WWOX: variants seen among roughly 807,000 people sequenced by gnomAD.
The protein encoded by WWOX is WW domain-containing oxidoreductase.
In WWOX, 69 loss-of-function variants were observed where a neutral mutation model predicts 46.2. The ratio of observed to expected loss-of-function variants is 1.49; its 90% CI spans 1.23 to 1.82. The LOEUF is 1.82. WWOX is among the 40% of genes most tolerant of loss of function. The pLI, the probability that WWOX is intolerant of heterozygous loss-of-function variation, is 0.00. For synonymous variants in WWOX, 359 were observed against 202.6 expected (o/e 1.77, Z -6.56); for missense variants, 919 against 542.6 (o/e 1.69, Z -6.89).
At chr16:78,631,476 A>T (rs78736613) in intron 8 of WWOX, among the ~76,000 whole-genome samples, 3,613 of 152,158 alleles carry the variant, frequency 0.024, 174 homozygotes, top group African/African-American at 0.083. Context: ...AAATCAGTTT[A>T]ATTTATATGA....
chr16:78,408,537 G>C (rs1380976726), intron 6 of WWOX, among the ~76,000 whole-genome samples: 1 of 152,146 alleles, frequency 6.6e-6, no homozygotes, highest in East Asian at 1.9e-4. Flanking sequence ...GTTGGACCTA[G>C]CTGAGCTAAG....
intron 8 of WWOX, among the ~76,000 whole-genome samples, chr16:78,683,846 G>T (rs147681891): frequency 6.6e-6 from 1 of 152,054 alleles, no homozygotes; most frequent in Non-Finnish European, 1.5e-5. Flanking sequence ...TGTTTAATTC[G>T]GCGTCTTTGG....
At chr16:79,130,392 G>A (rs1005919319) in intron 8 of WWOX, among the ~76,000 whole-genome samples, 6 of 152,262 alleles carry the variant, frequency 3.9e-5, no homozygotes, top group African/African-American at 9.6e-5. Context: ...TAGTATTATA[G>A]GCACAAAAGA....
chr16:78,482,963 C>T (rs2084532859), intron 8 of WWOX, among the ~76,000 whole-genome samples: 1 of 152,090 alleles, frequency 6.6e-6, no homozygotes, highest in South Asian at 2.1e-4. Flanking sequence ...TTTTGGGGCA[C>T]TGAGATCTAT....
At chr16:78,709,184 C>T (rs1000351348) in intron 8 of WWOX, among the ~76,000 whole-genome samples, 1 of 152,142 alleles carries the variant, frequency 6.6e-6, no homozygotes, top group Non-Finnish European at 1.5e-5. Flanking sequence ...GAGAGGGGTT[C>T]TGTGTGTGTG....
intron 5 of WWOX, among the ~76,000 whole-genome samples, chr16:78,233,640 C>T (rs1452515357): frequency 6.6e-6 from 1 of 150,894 alleles, no homozygotes; most frequent in African/African-American, 2.4e-5. Flanking sequence ...CATTCTTCTG[C>T]CTCAGCCTCC....
intron 8 of WWOX, among the ~76,000 whole-genome samples, chr16:78,841,722 G>T (rs957395894): frequency 2.6e-5 from 4 of 152,112 alleles, no homozygotes; most frequent in African/African-American, 7.2e-5. Flanking sequence ...ATACACTCCT[G>T]TCCGAGAAGT....
intron 8 of WWOX, among the ~76,000 whole-genome samples, chr16:78,625,681 C>G (rs1400376998): frequency 6.6e-6 from 1 of 151,090 alleles, no homozygotes; most frequent in Admixed American, 6.6e-5. Flanking sequence ...TAATAATACT[C>G]GGTTGGTGCA....
At chr16:78,377,143 G>A (rs187627599) in intron 5 of WWOX, among the ~76,000 whole-genome samples, 15 of 152,294 alleles carry the variant, frequency 9.8e-5, no homozygotes, top group African/African-American at 3.6e-4. Context: ...TAAATATTCA[G>A]AATATACAGA....
intron 8 of WWOX, among the ~76,000 whole-genome samples, chr16:78,594,827 A>G (rs2045448506): frequency 2.0e-5 from 3 of 152,142 alleles, no homozygotes; most frequent in Non-Finnish European, 4.4e-5. Flanking sequence ...AATTAAAGCA[A>G]TTTCATTTTC....
chr16:78,686,923 A>G (rs925306665), intron 8 of WWOX, among the ~76,000 whole-genome samples: 20 of 152,244 alleles, frequency 1.3e-4, no homozygotes, highest in African/African-American at 4.8e-4. Context: ...AGTAATAAAC[A>G]GTTTCCATAT....
At chr16:78,129,049 T>C (rs955612869) in intron 4 of WWOX, among the ~76,000 whole-genome samples, 14 of 152,116 alleles carry the variant, frequency 9.2e-5, no homozygotes, top group African/African-American at 2.9e-4. Flanking sequence ...TCAGTCAGGG[T>C]GTGGAGTCAG....
chr16:78,371,433 C>T (rs1212926373), intron 5 of WWOX, among the ~76,000 whole-genome samples: 1 of 152,066 alleles, frequency 6.6e-6, no homozygotes, highest in African/African-American at 2.4e-5. Context: ...TGAAAAGAAT[C>T]CATATTTTTA....
At chr16:78,381,283 T>A (rs1467177079) in intron 5 of WWOX, among the ~76,000 whole-genome samples, 1 of 152,226 alleles carries the variant, frequency 6.6e-6, no homozygotes, top group Non-Finnish European at 1.5e-5. Context: ...CCCCTTTGAT[T>A]CCACACTTAC....
chr16:78,411,160 C>A (rs572334595), intron 6 of WWOX, among the ~76,000 whole-genome samples: 2 of 152,256 alleles, frequency 1.3e-5, no homozygotes, highest in South Asian at 4.1e-4. Context: ...AGGTCTCACC[C>A]ACCCTTGAGG....
chr16:79,103,079 T>TGG (rs1056428963), intron 8 of WWOX, among the ~76,000 whole-genome samples: 12 of 152,014 alleles, frequency 7.9e-5, no homozygotes, highest in African/African-American at 2.9e-4. Flanking sequence ...CATAACCCTC[T>TGG]GGCAAAGGCA....
At chr16:78,241,941 C>A (rs192244640) in intron 5 of WWOX, among the ~76,000 whole-genome samples, 141 of 152,270 alleles carry the variant, frequency 9.3e-4, no homozygotes, top group African/African-American at 3.3e-3. Context: ...ACAAATGCCA[C>A]TGATAAAGCA....
chr16:79,099,399 G>A (rs1028405098), intron 8 of WWOX, among the ~76,000 whole-genome samples: 2 of 152,188 alleles, frequency 1.3e-5, no homozygotes, highest in Non-Finnish European at 2.9e-5. Flanking sequence ...CTGCCGGGGA[G>A]ACCATAAGGA....
chr16:78,927,753 GT>G (rs1276875637), intron 8 of WWOX, among the ~76,000 whole-genome samples: 1 of 152,088 alleles, frequency 6.6e-6, no homozygotes, highest in Non-Finnish European at 1.5e-5. Flanking sequence ...TTTTAGTTTC[GT>G]TTCATTGCTC....
Sources: gnomAD v4.1 joint callset for allele counts (sites outside exome capture counted in the v4.1 genomes callset) on GRCh38, gnomAD v4.1.1 for gene constraint, MANE v1.5 for transcripts, NCBI Gene and HGNC (gene_info 2026-07-23, HGNC 2026-07-21) for gene names.